The following USP15 variants were observed in gnomAD, a reference collection of about 807,000 sequenced individuals.
USP15 encodes the protein ubiquitin carboxyl-terminal hydrolase 15.
USP15 carries 18 observed loss-of-function variants against 127.1 expected under a neutral mutation model. The ratio of observed to expected loss-of-function variants is 0.14; its 90% CI spans 0.10 to 0.21. The LOEUF is 0.21. Among genes scored for constraint, USP15 ranks in the 10% least tolerant of loss-of-function variants. The probability of loss-of-function intolerance (pLI) is 1.00; values close to 1 mark genes in which losing one functional copy is unlikely to be tolerated. For synonymous variants in USP15, 364 were observed against 393.7 expected (o/e 0.92, Z 0.89); for missense variants, 805 against 1,159.9 (o/e 0.69, Z 4.44).
At position 62,302,220 on chromosome 12, in the gene USP15, T is replaced by G. The variant is rs117489963; in HGVS notation, c.218-570T>G. Among the ~76,000 whole-genome samples the G allele has an allele frequency of 3.9e-5, 6 of 152,286 alleles. No individual in the cohort carries two copies. In the East Asian group the frequency reaches 1.2e-3, roughly 29 times the overall value. ...GTGTCTTGGTGTCATTGTAAAAGGT[T>G]GTTGATTTGCTTCTGAATTTCCTAC... On this transcript the variant is annotated intron_variant, in intron 2 of 21. Transcript: ENST00000280377.
chr12:62,336,319 A>G (rs949092127), intron 6 of USP15: 9 of 985,166 alleles, frequency 9.1e-6, no homozygotes, highest in Non-Finnish European at 7.2e-6. Context: ...AAATCTTTTT[A>G]CCCCTCCTTC....
chr12:62,262,517 T>A (rs569074423), intron 1 of USP15, among the ~76,000 whole-genome samples: 128 of 152,340 alleles, frequency 8.4e-4, no homozygotes, highest in African/African-American at 3.0e-3. Flanking sequence ...CGTTTTTGTA[T>A]ATAGAGTAAT....
At chr12:62,340,569 G>A (rs2065616436) in intron 6 of USP15, among the ~76,000 whole-genome samples, 1 of 152,074 alleles carries the variant, frequency 6.6e-6, no homozygotes, top group African/African-American at 2.4e-5. Context: ...CAGAATCTCT[G>A]GTACATTGTC....
At chr12:62,291,992 C>A (rs796732743) in intron 1 of USP15, among the ~76,000 whole-genome samples, 2 of 152,294 alleles carry the variant, frequency 1.3e-5, no homozygotes, top group African/African-American at 4.8e-5. Context: ...TCAGTGGTAA[C>A]AGTGGGGTTT....
chr12:62,363,594 C>T (rs541389898), intron 8 of USP15, among the ~76,000 whole-genome samples: 1 of 152,268 alleles, frequency 6.6e-6, no homozygotes, highest in South Asian at 2.1e-4. Context: ...ACACAGTACT[C>T]ATAACCATCT....
chr12:62,276,122 C>G (rs908414499), intron 1 of USP15, among the ~76,000 whole-genome samples: 4 of 152,082 alleles, frequency 2.6e-5, no homozygotes, highest in African/African-American at 9.7e-5. Context: ...GAGGCACCCT[C>G]ATAAAATTCC....
chr12:62,304,837 A>AC, intron 3 of USP15: 1 of 287,086 alleles, frequency 3.5e-6, no homozygotes, highest in African/African-American at 2.2e-5. Context: ...GCTTAAAAAA[A>AC]AAAAAAAAGG....
At chr12:62,383,816 T>C in intron 9 of USP15, 24 bp from the exon 10 acceptor site, 2 of 1,606,348 alleles carry the variant, frequency 1.2e-6, no homozygotes, top group Non-Finnish European at 8.5e-7. Context: ...TAGAACTGAT[T>C]TGATGGTTTT....
At chr12:62,318,216 A>G (rs572792353) in intron 4 of USP15, among the ~76,000 whole-genome samples, 1 of 152,304 alleles carries the variant, frequency 6.6e-6, no homozygotes, top group South Asian at 2.1e-4. Context: ...TGCACTTGCC[A>G]GATCTCAATT....
intron 3 of USP15, among the ~76,000 whole-genome samples, chr12:62,313,355 G>T (rs1173358523): frequency 6.6e-6 from 1 of 151,476 alleles, no homozygotes; most frequent in Non-Finnish European, 1.5e-5. Context: ...CATAATGGGG[G>T]TTTTGTTTTT....
intron 3 of USP15, chr12:62,303,181 TA>T (rs1411543930): frequency 1.7e-5 from 4 of 240,372 alleles, no homozygotes; most frequent in Non-Finnish European, 3.2e-5. Context: ...GAAATGAGGA[TA>T]AAAAGTTAGG....
chr12:62,373,364 TC>T (rs1248218738), intron 8 of USP15, among the ~76,000 whole-genome samples: 31 of 152,128 alleles, frequency 2.0e-4, no homozygotes, highest in African/African-American at 7.0e-4. Flanking sequence ...TATTTATACT[TC>T]CTAGAACTTT....
At chr12:62,306,809 T>C (rs1296955843) in intron 3 of USP15, among the ~76,000 whole-genome samples, 1 of 152,136 alleles carries the variant, frequency 6.6e-6, no homozygotes, top group Non-Finnish European at 1.5e-5. Flanking sequence ...AAGTGTGATC[T>C]AATCTGGCAG....
chr12:62,260,586 A>G lies in USP15; in HGVS notation c.89+83A>G, dbSNP rs1397436151. On this transcript the variant is annotated intron_variant, in intron 1 of 21. Coordinates refer to ENST00000280377, the MANE Select transcript of USP15 (RefSeq NM_001252078.2). ...GGAGCCGCGAGCTGGTTCTTTCGCT[A>G]GTGACAGGTGCGGGCAGGTCCGGCG... is the stretch of plus-strand genomic sequence containing the variant. 2.2e-6 allele frequency: 3 copies of G among 1,358,962 alleles called. No homozygotes were observed. The African/African-American group carries it at 4.3e-5, about 20-fold the overall frequency. The allele number at this position is 1,358,962 out of a possible 1,614,324, so 84.2% of individuals were successfully genotyped here.
chr12:62,334,379 AT>A lies in USP15; in HGVS notation c.683+8448del, dbSNP rs199524762. On this transcript the variant is annotated intron_variant, in intron 6 of 21. Transcript: ENST00000280377. ...AATGGAACATTTTGTGTTATCAAAT[AT>A]TATATGTAAAAGTAAGCAGTCAAAA... Among the ~76,000 whole-genome samples, 317 of 152,320 alleles carry A rather than the reference AT, an allele frequency of 2.1e-3. 5 individuals are homozygous for A. In the East Asian group the frequency reaches 0.035, roughly 17 times the overall value.
At chr12:62,296,642 G>T (rs576546758) in intron 2 of USP15, among the ~76,000 whole-genome samples, 5 of 152,146 alleles carry the variant, frequency 3.3e-5, no homozygotes, top group Non-Finnish European at 7.3e-5. Context: ...AAACACTGAA[G>T]TAACAATGGA....
At chr12:62,301,973 T>G (rs1427146158) in intron 2 of USP15, among the ~76,000 whole-genome samples, 1 of 152,260 alleles carries the variant, frequency 6.6e-6, no homozygotes, top group African/African-American at 2.4e-5. Flanking sequence ...AGGACTGTGA[T>G]GTAGGTATGG....
At chr12:62,400,868 A>G (rs1592740987) in intron 20 of USP15, among the ~76,000 whole-genome samples, 1 of 152,090 alleles carries the variant, frequency 6.6e-6, no homozygotes, top group Non-Finnish European at 1.5e-5. Flanking sequence ...TAAAGTGCAT[A>G]ACACTATGCC....
Position 62,407,843 on chromosome 12 carries a change from G to C in USP15, c.*3468G>C, listed in dbSNP as rs1011568400. 13 of 152,176 alleles carry C rather than the reference G, an allele frequency of 8.5e-5. No individual in the cohort carries two copies. The highest frequency in any genetic ancestry group is 8.5e-4 in the Admixed American group (13 of 15,266). The allele number at this position is 152,176 out of a possible 1,614,324, so 9.4% of individuals were successfully genotyped here. ...TGTAACCTTGAACTCCTGGGTTAAA[G>C]TGATCCTCCTGCCTCAGCCTTATAA... On this transcript the variant is annotated 3_prime_UTR_variant, in exon 22 of 22. Coordinates refer to ENST00000280377, the MANE Select transcript of USP15 (RefSeq NM_001252078.2).
Sources: allele counts gnomAD v4.1 joint callset (sites outside exome capture counted in the v4.1 genomes callset), GRCh38; gene constraint gnomAD v4.1.1; transcripts MANE v1.5; gene names NCBI Gene and HGNC (gene_info 2026-07-23, HGNC 2026-07-21).